The following SLC25A13 variants were observed in gnomAD, a reference collection of about 807,000 sequenced individuals.
The protein encoded by SLC25A13 is electrogenic aspartate/glutamate antiporter SLC25A13, mitochondrial.
SLC25A13 carries 70 observed loss-of-function variants against 85.5 expected under a neutral mutation model. The observed-to-expected ratio is 0.82, with a 90% CI of 0.68 to 1.00. The LOEUF (loss-of-function observed/expected upper bound fraction) is 1.00, where lower values mean the gene tolerates loss of function less well. SLC25A13 is among the 50% of genes least tolerant of loss of function. The pLI is 0.00. For missense variants in SLC25A13, 765 were observed against 819.8 expected (o/e 0.93, Z 0.82); for synonymous variants, 259 against 288.7 (o/e 0.90, Z 1.04).
At chr7:96,185,049 A>G (rs1397707930) in intron 9 of SLC25A13, 38 bp from the exon 10 acceptor site, 1 of 1,548,388 alleles carries the variant, frequency 6.5e-7, no homozygotes, top group Non-Finnish European at 8.8e-7. Context: ...GCAGGAAAAC[A>G]GGTGACAGAA....
chr7:96,306,789 C>T, intron 1 of SLC25A13: 1 of 1,271,492 alleles, frequency 7.9e-7, no homozygotes, highest in Non-Finnish European at 1.1e-6. Flanking sequence ...CCTCCTAGTG[C>T]CCTATCATCT....
In SLC25A13 at chr7:96,158,648, C is replaced by T. The variant is rs187253100; in HGVS notation, c.1311+11397G>A. On this transcript the variant is annotated intron_variant, in intron 13 of 17. Coordinates refer to ENST00000265631, the MANE Select transcript of SLC25A13 (RefSeq NM_014251.3). ...TGACATTCTAAAATGCGTGCTTACA[C>T]GTGTCAAAAATAGATTAATATAAAG... 5.3e-5 allele frequency among the ~76,000 whole-genome samples: 8 copies of T among 152,276 alleles called. No homozygotes were observed. In the East Asian group the frequency reaches 7.7e-4, roughly 15 times the overall value.
intron 2 of SLC25A13, among the ~76,000 whole-genome samples, chr7:96,290,537 C>G (rs1047126234): frequency 1.3e-5 from 2 of 150,442 alleles, no homozygotes; most frequent in African/African-American, 4.9e-5. Flanking sequence ...ACCCATCTCA[C>G]GTGCAGAGAC....
chr7:96,264,980 A>C (rs1487854919), intron 3 of SLC25A13, among the ~76,000 whole-genome samples: 1 of 152,258 alleles, frequency 6.6e-6, no homozygotes, highest in Non-Finnish European at 1.5e-5. Context: ...TTTTGGTTGA[A>C]GAATATGAAA....
intron 1 of SLC25A13, among the ~76,000 whole-genome samples, chr7:96,317,281 T>C (rs1800166129): frequency 6.6e-6 from 1 of 152,070 alleles, no homozygotes; most frequent in Non-Finnish European, 1.5e-5. Flanking sequence ...TTATCAGATC[T>C]TAGGCCACTA....
Position 96,234,800 on chromosome 7 carries a change from A to G in SLC25A13, c.328+2T>C. The stretch of plus-strand genomic sequence containing the variant: ...AGACGTGCACAGAAGCATGCTTCTT[A>G]CCAAAAGTTACTTCTCCTTTGCCAG... On this transcript the variant is annotated splice_donor_variant, in intron 4 of 17. Transcript: ENST00000265631. LOFTEE classifies it high-confidence loss of function. The G allele has an allele frequency of 6.2e-7, 1 of 1,611,730 alleles. No individual in the cohort carries two copies. The highest frequency in any genetic ancestry group is 8.5e-7 in the Non-Finnish European group (1 of 1,177,990).
At chr7:96,293,152 C>A (rs1401626585) in intron 2 of SLC25A13, among the ~76,000 whole-genome samples, 1 of 152,174 alleles carries the variant, frequency 6.6e-6, no homozygotes, top group Non-Finnish European at 1.5e-5. Flanking sequence ...TGATCTTTCA[C>A]AAACCTGACA....
chr7:96,294,837 T>C lies in SLC25A13; in HGVS notation c.69+2061A>G, dbSNP rs139982414. Reference sequence around the variant, plus strand: ...ACAGGTGTCCAGAATCCTGATTTTTTATGTATAATCTAAATCTCCTTACAA... The same window carrying C: ...ACAGGTGTCCAGAATCCTGATTTTTCATGTATAATCTAAATCTCCTTACAA... On this transcript the variant is annotated intron_variant, in intron 2 of 17. Coordinates refer to ENST00000265631, the MANE Select transcript of SLC25A13 (RefSeq NM_014251.3). Among the ~76,000 whole-genome samples the C allele has an allele frequency of 9.9e-3, 1,511 of 152,240 alleles. 19 individuals carry two copies. The highest frequency in any genetic ancestry group is 0.034 in the African/African-American group (1,403 of 41,546).
chr7:96,198,788 A>G (rs1171442036), intron 5 of SLC25A13, among the ~76,000 whole-genome samples: 1 of 152,212 alleles, frequency 6.6e-6, no homozygotes, highest in Non-Finnish European at 1.5e-5. Flanking sequence ...GAATATATAA[A>G]TGAAGTAAGA....
At chr7:96,218,942 C>T (rs1004226167) in intron 4 of SLC25A13, among the ~76,000 whole-genome samples, 2 of 152,156 alleles carry the variant, frequency 1.3e-5, no homozygotes, top group African/African-American at 2.4e-5. Context: ...CTTCTACGGC[C>T]ATCATCTTTT....
intron 11 of SLC25A13, among the ~76,000 whole-genome samples, chr7:96,177,118 T>C (rs1794251665): frequency 6.6e-6 from 1 of 152,198 alleles, no homozygotes; most frequent in African/African-American, 2.4e-5. Flanking sequence ...TTTCAATACA[T>C]AGCCTTGATT....
At chr7:96,136,767 G>A (rs1035506002) in intron 14 of SLC25A13, among the ~76,000 whole-genome samples, 1 of 152,022 alleles carries the variant, frequency 6.6e-6, no homozygotes, top group African/African-American at 2.4e-5. Flanking sequence ...CCTCTGTGTC[G>A]GGCCGGGCAC....
intron 13 of SLC25A13, among the ~76,000 whole-genome samples, chr7:96,152,635 G>A (rs1390750943): frequency 2.6e-5 from 4 of 152,190 alleles, no homozygotes; most frequent in Non-Finnish European, 5.9e-5. Flanking sequence ...TAAGAGGGAT[G>A]AGAGACACAG....
At chr7:96,153,484 G>A (rs559126658) in intron 13 of SLC25A13, among the ~76,000 whole-genome samples, 5 of 152,350 alleles carry the variant, frequency 3.3e-5, no homozygotes, top group African/African-American at 1.2e-4. Context: ...GGTACAGCAG[G>A]TGGCCATGTG....
intron 13 of SLC25A13, among the ~76,000 whole-genome samples, chr7:96,159,553 C>G (rs538789703): frequency 6.6e-6 from 1 of 152,294 alleles, no homozygotes; most frequent in South Asian, 2.1e-4. Context: ...ACACCTTAAC[C>G]TCGGACTTCC....
At chr7:96,177,649 A>C (rs1794274126) in intron 11 of SLC25A13, among the ~76,000 whole-genome samples, 1 of 152,190 alleles carries the variant, frequency 6.6e-6, no homozygotes, top group Non-Finnish European at 1.5e-5. Flanking sequence ...AAATCCTCAG[A>C]CCAGTACCAA....
chr7:96,120,474 A>C lies in SLC25A13; in HGVS notation c.*717T>G, dbSNP rs1334060473. ...ATCAGTACATGTACATCATATGAGC[A>C]GTTTTTCAAAATTAGCACTTCCAGG... is the stretch of plus-strand genomic sequence containing the variant. On this transcript the variant is annotated 3_prime_UTR_variant, in exon 18 of 18. Coordinates refer to ENST00000265631, the MANE Select transcript of SLC25A13 (RefSeq NM_014251.3). 2 of 454,490 alleles carry C rather than the reference A, an allele frequency of 4.4e-6. No homozygotes were observed. The highest frequency in any genetic ancestry group is 3.1e-5 in the South Asian group (2 of 64,478). 28.2% of individuals were successfully genotyped at this position (454,490 alleles called of 1,614,324 possible).
At chr7:96,210,154 T>G (rs1320237264) in intron 4 of SLC25A13, among the ~76,000 whole-genome samples, 1 of 152,090 alleles carries the variant, frequency 6.6e-6, no homozygotes, top group African/African-American at 2.4e-5. Flanking sequence ...AGTGCCACCA[T>G]TAGCATAAGG....
chr7:96,155,479 AGGCTGTGG>A lies in SLC25A13; in HGVS notation c.1312-8791_1312-8784del, dbSNP rs1793225879. Among the ~76,000 whole-genome samples, 2 of 152,120 alleles carry A rather than the reference AGGCTGTGG, an allele frequency of 1.3e-5. 1 individual carries two copies. Among genetic ancestry groups the A allele is most frequent in the East Asian group, 3.9e-4 (2 of 5,178 alleles). On this transcript the variant is annotated intron_variant, in intron 13 of 17. Coordinates refer to ENST00000265631, the MANE Select transcript of SLC25A13 (RefSeq NM_014251.3). Reference sequence around the variant, plus strand: ...TCGTTCTGCCCTTTATAGGACCTGAAGGCTGTGGCTCTGCCCACAGTGATCTCTGCACT... The same window carrying A: ...TCGTTCTGCCCTTTATAGGACCTGAACTCTGCCCACAGTGATCTCTGCACT...
Sources: allele counts gnomAD v4.1 joint callset (sites outside exome capture counted in the v4.1 genomes callset), GRCh38; gene constraint gnomAD v4.1.1; transcripts MANE v1.5; gene names NCBI Gene and HGNC (gene_info 2026-07-23, HGNC 2026-07-21).